Variants in SCMH1 observed in about 807,000 individuals in gnomAD.
SCMH1 encodes Scm polycomb group protein homolog 1, also known as polycomb protein SCMH1.
Under a neutral mutation model 70.8 loss-of-function variants are expected in SCMH1, and 37 were observed. The ratio of observed to expected loss-of-function variants is 0.52; its 90% confidence interval spans 0.40 to 0.69. The LOEUF (loss-of-function observed/expected upper bound fraction) is 0.69, where lower values mean the gene tolerates loss of function less well. SCMH1 is among the 30% of genes least tolerant of loss of function. The pLI is 0.00. For synonymous variants in SCMH1, 292 were observed against 307.4 expected, an observed-to-expected ratio of 0.95 and a Z score of 0.52; for missense variants, 607 against 827.3, an observed-to-expected ratio of 0.73 and a Z score of 3.27.
In SCMH1 at chr1:41,079,355, A is replaced by C. The variant is rs369965912; in HGVS notation, c.746-3904T>G. On this transcript the variant is annotated intron_variant, in intron 8 of 14. Coordinates refer to ENST00000337495, the Ensembl canonical transcript of SCMH1. Reference sequence around the variant, plus strand: ...AAATGAACAAACCAGACCAAAAAAAACCCCCAGAACTCAATTATATTTGTT... The same window carrying C: ...AAATGAACAAACCAGACCAAAAAAACCCCCCAGAACTCAATTATATTTGTT... Among the ~76,000 whole-genome samples, 16 of 147,002 alleles carry C rather than the reference A, an allele frequency of 1.1e-4. No individual in the cohort carries two copies. In the South Asian group the frequency reaches 1.5e-3, roughly 14 times the overall value.
chr1:41,160,323 G>A (rs560390121), intron 4 of SCMH1, among the ~76,000 whole-genome samples: 3 of 152,274 alleles, frequency 2.0e-5, no homozygotes, highest in South Asian at 2.1e-4. Context: ...TGATTGAGAA[G>A]TATTAGAACT....
At chr1:41,089,371 T>C (rs1662659914) in intron 8 of SCMH1, among the ~76,000 whole-genome samples, 1 of 152,246 alleles carries the variant, frequency 6.6e-6, no homozygotes, top group Non-Finnish European at 1.5e-5. Flanking sequence ...GCTAAAAACC[T>C]TGGAGTTGTC....
intron 5 of SCMH1, among the ~76,000 whole-genome samples, chr1:41,143,338 A>G (rs1440668177): frequency 6.6e-6 from 1 of 152,200 alleles, no homozygotes; most frequent in African/African-American, 2.4e-5. Context: ...AAAAAGGACA[A>G]GAATGTCTTA....
chr1:41,204,157 T>C lies in SCMH1; in HGVS notation c.-117-17907A>G, dbSNP rs1369673983. On this transcript the variant is annotated intron_variant, in intron 1 of 14. Transcript: ENST00000337495. ...TGCCCAAGGTTACACAGTTGGTACA[T>C]GGTGGAGCTGGGAATCAAAACAATG... Among the ~76,000 whole-genome samples, 6 of 152,194 alleles carry C rather than the reference T, an allele frequency of 3.9e-5. No homozygotes were observed. The East Asian group carries it at 5.8e-4, about 15-fold the overall frequency.
chr1:41,074,422 A>G (rs1657547727), intron 9 of SCMH1, among the ~76,000 whole-genome samples: 1 of 152,236 alleles, frequency 6.6e-6, no homozygotes, highest in East Asian at 1.9e-4. Context: ...GGGTTTTGTG[A>G]AAATCATGGG....
chr1:41,045,243 G>C (rs1223076925), intron 12 of SCMH1, among the ~76,000 whole-genome samples: 2 of 152,188 alleles, frequency 1.3e-5, no homozygotes, highest in Non-Finnish European at 2.9e-5. Flanking sequence ...TCTAGCATGG[G>C]TTAGGTGAGG....
chr1:41,090,126 T>G (rs893932576), intron 8 of SCMH1, among the ~76,000 whole-genome samples: 4 of 152,094 alleles, frequency 2.6e-5, no homozygotes, highest in Admixed American at 6.5e-5. Context: ...TCTCAAACTC[T>G]TTGGTGTCAA....
intron 4 of SCMH1, among the ~76,000 whole-genome samples, chr1:41,155,618 T>A (rs1400464308): frequency 1.3e-5 from 2 of 151,844 alleles, no homozygotes; most frequent in Non-Finnish European, 2.9e-5. Flanking sequence ...AAAATAAAAG[T>A]AAGAGGTAAA....
At chr1:41,158,345 G>A (rs1308522320) in intron 4 of SCMH1, among the ~76,000 whole-genome samples, 1 of 152,206 alleles carries the variant, frequency 6.6e-6, no homozygotes, top group Non-Finnish European at 1.5e-5. Flanking sequence ...TCACCACTAA[G>A]ATAATGTGAT....
chr1:41,172,347 T>TA (rs200324786), intron 2 of SCMH1, among the ~76,000 whole-genome samples: 16 of 150,170 alleles, frequency 1.1e-4, no homozygotes, highest in East Asian at 3.9e-4. Flanking sequence ...ACAATAGCTA[T>TA]AAAAAAAAAC....
In SCMH1 at chr1:41,061,810, G is replaced by A. The variant is rs180771803; in HGVS notation, c.1105+8785C>T. 2.0e-5 allele frequency among the ~76,000 whole-genome samples: 3 copies of A among 152,226 alleles called. No homozygotes were observed. In the East Asian group the frequency reaches 5.8e-4, roughly 29 times the overall value. On this transcript the variant is annotated intron_variant, in intron 10 of 14. Transcript: ENST00000337495. ...AAGCTCATGTAGAACATTCAGCAAG[G>A]TAGATCACATTCTGGACCATAAAAC...
At chr1:41,135,685 CA>C (rs1643187579) in intron 6 of SCMH1, among the ~76,000 whole-genome samples, 2 of 152,260 alleles carry the variant, frequency 1.3e-5, no homozygotes, top group South Asian at 4.1e-4. Flanking sequence ...CAATTAAATA[CA>C]ATTTAAAATT....
At chr1:41,208,276 T>A (rs1656057569) in intron 1 of SCMH1, among the ~76,000 whole-genome samples, 1 of 92,034 alleles carries the variant, frequency 1.1e-5, no homozygotes, top group Admixed American at 1.2e-4. Context: ...GGGACTGTGG[T>A]GGGGTCGGGG....
At chr1:41,032,611 CT>C (rs996444588) in intron 13 of SCMH1, among the ~76,000 whole-genome samples, 1 of 152,126 alleles carries the variant, frequency 6.6e-6, no homozygotes, top group African/African-American at 2.4e-5. Context: ...CATGAACCAA[CT>C]TGCAATAAGA....
chr1:41,179,049 T>G (rs1249569942), intron 2 of SCMH1, among the ~76,000 whole-genome samples: 1 of 152,142 alleles, frequency 6.6e-6, no homozygotes, highest in Non-Finnish European at 1.5e-5. Flanking sequence ...CAGACCACAG[T>G]GCAATCAAAC....
At chr1:41,129,887 G>A (rs1335828387) in intron 6 of SCMH1, among the ~76,000 whole-genome samples, 1 of 152,154 alleles carries the variant, frequency 6.6e-6, no homozygotes, top group Non-Finnish European at 1.5e-5. Flanking sequence ...CTTCCAGGTA[G>A]TTGGGACTAC....
intron 7 of SCMH1, among the ~76,000 whole-genome samples, chr1:41,116,673 T>G (rs912923595): frequency 3.3e-5 from 5 of 152,198 alleles, no homozygotes; most frequent in African/African-American, 1.2e-4. Context: ...AATAATACAT[T>G]TTAACTTCTT....
intron 4 of SCMH1, among the ~76,000 whole-genome samples, chr1:41,156,174 C>T (rs1322722913): frequency 6.6e-6 from 1 of 152,136 alleles, no homozygotes; most frequent in Non-Finnish European, 1.5e-5. Flanking sequence ...TATATCTAAT[C>T]TCTATGTCCC....
intron 9 of SCMH1, among the ~76,000 whole-genome samples, chr1:41,071,137 C>T (rs1656339869): frequency 6.6e-6 from 1 of 152,126 alleles, no homozygotes; most frequent in South Asian, 2.1e-4. Flanking sequence ...TCTAACTCTA[C>T]AAACAACTTT....
Sources: gnomAD v4.1 joint callset for allele counts (sites outside exome capture counted in the v4.1 genomes callset) on GRCh38, gnomAD v4.1.1 for gene constraint, MANE v1.5 for transcripts, NCBI Gene and HGNC (gene_info 2026-07-23, HGNC 2026-07-21) for gene names.